The following BIRC6 variants were observed in gnomAD, a reference collection of about 807,000 sequenced individuals.
The protein encoded by BIRC6 is dual E2 ubiquitin-conjugating enzyme/E3 ubiquitin-protein ligase BIRC6.
BIRC6 carries 98 observed loss-of-function variants against 503.3 expected under a neutral mutation model. That is an observed-to-expected ratio of 0.19 (90% CI 0.17 to 0.23). The LOEUF is 0.23. BIRC6 is among the 10% of genes least tolerant of loss of function. The pLI, the probability that BIRC6 is intolerant of heterozygous loss-of-function variation, is 1.00. For missense variants in BIRC6, 5,360 were observed against 5,806.0 expected (o/e 0.92, Z 2.50); for synonymous variants, 2,240 against 2,078.7 (o/e 1.08, Z -2.11).
At position 32,543,397 on chromosome 2, in the gene BIRC6, A is replaced by G. The variant is rs1242690043; in HGVS notation, c.12448A>G (p.Met4150Val). 4 of 1,613,982 alleles carry G rather than the reference A, an allele frequency of 2.5e-6. No individual in the cohort carries two copies. Among genetic ancestry groups the G allele is most frequent in the Admixed American group, 1.7e-5 (1 of 60,022 alleles). ...ACCTATCAAGTCAGCAGTACAGACC[A>G]TGTCTCCCATACCTGCCCATTCTTT... ...PPPIKSAVQT[M>V]SPIPAHSLAA... The change falls in exon 62 of 74, where the codon ATG becomes GTG. Residue 4150 changes from methionine to valine, a missense_variant. Coordinates refer to ENST00000421745, the MANE Select transcript of BIRC6 (RefSeq NM_016252.4).
rs772164177 is a variant in BIRC6, at chr2:32,415,840, A to G, written c.2549A>G (p.Lys850Arg). The G allele has an allele frequency of 6.6e-5, 106 of 1,613,758 alleles. No individual in the cohort carries two copies. The highest frequency in any genetic ancestry group is 8.9e-5 in the East Asian group (4 of 44,890). The change falls in exon 10 of 74, where the codon AAA becomes AGA. Residue 850 changes from lysine (K) to arginine (R), a missense_variant. Coordinates refer to ENST00000421745, the MANE Select transcript of BIRC6 (RefSeq NM_016252.4). ...EEEPIKIQHI[K>R]DPQDTITSLI... ...GAGCCAATAAAAATACAACATATCA[A>G]AGATCCCCAGGACACAATTACCTCG... is the stretch of plus-strand genomic sequence containing the variant.
At chr2:32,597,726 G>T in intron 68 of BIRC6, 25 bp from the exon 69 acceptor site, 1 of 1,571,894 alleles carries the variant, frequency 6.4e-7, no homozygotes, top group Non-Finnish European at 8.7e-7. Context: ...GCAGTTCTGG[G>T]TTTTATTTTT....
chr2:32,491,195 G>A (rs977156801), intron 43 of BIRC6, among the ~76,000 whole-genome samples: 4 of 152,174 alleles, frequency 2.6e-5, no homozygotes, highest in African/African-American at 9.7e-5. Context: ...TAAATAAGAT[G>A]TACATTAAGC....
At chr2:32,500,933 C>T (rs962061060) in intron 46 of BIRC6, among the ~76,000 whole-genome samples, 3 of 151,676 alleles carry the variant, frequency 2.0e-5, no homozygotes, top group African/African-American at 7.3e-5. Flanking sequence ...GACGGGATTT[C>T]ACCATGTTAG....
At chr2:32,510,905 A>G (rs2054318888) in intron 53 of BIRC6, among the ~76,000 whole-genome samples, 1 of 152,192 alleles carries the variant, frequency 6.6e-6, no homozygotes, top group South Asian at 2.1e-4. Flanking sequence ...TAAAACATAT[A>G]TTTTTAAGTT....
chr2:32,593,938 C>G lies in BIRC6; in HGVS notation c.13379C>G (p.Thr4460Arg), dbSNP rs1283782876. Residue 4460 changes from threonine (T) to arginine (R), a missense_variant, in exon 67 of 74, where the codon ACA becomes AGA. Transcript: ENST00000421745. Reference sequence around the variant, plus strand: ...AGATCTAAAAGGGAAAATGTTAAAACAGGAGTAAAACCAGATGCGTCTGAT... The same window carrying G: ...AGATCTAAAAGGGAAAATGTTAAAAGAGGAGTAAAACCAGATGCGTCTGAT... ...RLRSKRENVK[T>R]GVKPDASDQE... The G allele has an allele frequency of 1.2e-6, 2 of 1,611,114 alleles. No individual in the cohort carries two copies. The highest frequency in any genetic ancestry group is 1.7e-6 in the Non-Finnish European group (2 of 1,179,064).
chr2:32,582,066 C>G (rs2060711001), intron 66 of BIRC6, among the ~76,000 whole-genome samples: 1 of 152,094 alleles, frequency 6.6e-6, no homozygotes, highest in Non-Finnish European at 1.5e-5. Flanking sequence ...ACCGTGTTGG[C>G]CAAGCTGGTC....
intron 65 of BIRC6, among the ~76,000 whole-genome samples, chr2:32,555,699 G>A (rs115559050): frequency 0.016 from 2,398 of 150,898 alleles, 47 homozygotes; most frequent in African/African-American, 0.056. Flanking sequence ...GGCCAGGTGT[G>A]GTGGCTCACA....
At chr2:32,512,690 A>G (rs2054567898) in intron 53 of BIRC6, among the ~76,000 whole-genome samples, 1 of 152,152 alleles carries the variant, frequency 6.6e-6, no homozygotes, top group Non-Finnish European at 1.5e-5. Flanking sequence ...CTGTTCTAGT[A>G]TGTTATCTCA....
At chr2:32,480,226 C>T (rs1162655731) in intron 37 of BIRC6, among the ~76,000 whole-genome samples, 4 of 152,170 alleles carry the variant, frequency 2.6e-5, no homozygotes, top group African/African-American at 9.7e-5. Flanking sequence ...CGAAGGTTCA[C>T]ATAAAGCGTG....
chr2:32,561,337 G>A (rs551836113), intron 65 of BIRC6, among the ~76,000 whole-genome samples: 17 of 151,508 alleles, frequency 1.1e-4, no homozygotes, highest in African/African-American at 4.1e-4. Context: ...CACTTCCCAA[G>A]CTCAAGTGAT....
In BIRC6 at chr2:32,606,846, A is replaced by G. The variant is rs557854367; in HGVS notation, c.14071-609A>G. On this transcript the variant is annotated intron_variant, in intron 71 of 73. Transcript: ENST00000421745. ...CATGATGAAACCCCATCTCTACTAA[A>G]AAATACAGAAATTAGTCTGGCGTGG... Among the ~76,000 whole-genome samples, 6 of 152,132 alleles carry G rather than the reference A, an allele frequency of 3.9e-5. No homozygotes were observed. The East Asian group carries it at 9.7e-4, about 25-fold the overall frequency.
intron 46 of BIRC6, among the ~76,000 whole-genome samples, chr2:32,501,034 T>C (rs967802758): frequency 6.6e-6 from 1 of 152,178 alleles, no homozygotes; most frequent in East Asian, 1.9e-4. Flanking sequence ...AAATGTAAAA[T>C]TTTACTCATA....
Position 32,595,161 on chromosome 2 carries a change from G to C in BIRC6, c.13612+17G>C. The C allele has an allele frequency of 2.7e-6, 4 of 1,490,554 alleles. No individual in the cohort carries two copies. The highest frequency in any genetic ancestry group is 3.7e-6 in the Non-Finnish European group (4 of 1,092,752). 92.3% of individuals were successfully genotyped at this position (1,490,554 alleles called of 1,614,324 possible). A position where few individuals can be genotyped will look rare whatever the true frequency, so the allele number is the denominator to read the frequency against. On this transcript the variant is annotated intron_variant, in intron 68 of 73. Coordinates refer to ENST00000421745, the MANE Select transcript of BIRC6 (RefSeq NM_016252.4). The stretch of plus-strand genomic sequence containing the variant: ...TACAGTTTGGTAAGATGAAATTTTT[G>C]ATTTGCTTAAGATCTCACTTTCCAT...
At chr2:32,531,859 A>G (rs558847499) in intron 61 of BIRC6, among the ~76,000 whole-genome samples, 107 of 152,230 alleles carry the variant, frequency 7.0e-4, no homozygotes, top group African/African-American at 2.4e-3. Flanking sequence ...TATTTATTAG[A>G]GATATTATTG....
chr2:32,501,651 A>G, intron 46 of BIRC6, 62 bp from the exon 47 acceptor site: 10 of 1,417,560 alleles, frequency 7.1e-6, no homozygotes, highest in Non-Finnish European at 9.5e-6. Flanking sequence ...GATTACAGGC[A>G]TGAGCCACTG....
chr2:32,388,434 A>G (rs1450584306), intron 3 of BIRC6, among the ~76,000 whole-genome samples: 2 of 151,402 alleles, frequency 1.3e-5, no homozygotes, highest in African/African-American at 4.8e-5. Flanking sequence ...TGCAGTCACC[A>G]GATCACTAAA....
intron 68 of BIRC6, 61 bp downstream of exon 68, chr2:32,595,205 T>C: frequency 9.8e-7 from 1 of 1,016,728 alleles, no homozygotes; most frequent in Non-Finnish European, 1.5e-6. Flanking sequence ...AACAGTGCTA[T>C]TGAAATGTGT....
intron 1 of BIRC6, among the ~76,000 whole-genome samples, chr2:32,371,713 T>A (rs191178951): frequency 1.3e-5 from 2 of 151,752 alleles, no homozygotes; most frequent in East Asian, 2.0e-4. Context: ...TTTTATAGAA[T>A]TTGGATCATA....
Sources: allele counts gnomAD v4.1 joint callset (sites outside exome capture counted in the v4.1 genomes callset), GRCh38; gene constraint gnomAD v4.1.1; transcripts MANE v1.5; gene names NCBI Gene and HGNC (gene_info 2026-07-23, HGNC 2026-07-21).